CCDC82: variants seen among roughly 807,000 people sequenced by gnomAD.
CCDC82 encodes the protein coiled-coil domain-containing protein 82.
Under a neutral mutation model 60.6 loss-of-function variants are expected in CCDC82, and 47 were observed. The observed-to-expected ratio is 0.77, with a 90% CI of 0.61 to 0.99. The LOEUF (loss-of-function observed/expected upper bound fraction) is 0.99. Ranked by LOEUF, CCDC82 falls within the 50% of genes least tolerant of loss-of-function variation. The pLI, the probability that CCDC82 is intolerant of heterozygous loss-of-function variation, is 0.00. For synonymous variants in CCDC82, 212 were observed against 207.4 expected, an observed-to-expected ratio of 1.02 and a Z score of -0.19; for missense variants, 588 against 633.0, an observed-to-expected ratio of 0.93 and a Z score of 0.76.
At chr11:96,363,422 TA>T (rs1864775988) in intron 8 of CCDC82, 1 of 152,228 alleles carries the variant, frequency 6.6e-6, no homozygotes, top group Non-Finnish European at 1.5e-5. Context: ...AATTTCTCTT[TA>T]AAAAATTTAA....
chr11:96,353,939 A>G (rs1591151052), intron 9 of CCDC82: 1 of 355,426 alleles, frequency 2.8e-6, no homozygotes, highest in East Asian at 4.8e-5. Context: ...AGTGAATATT[A>G]TTAATTTTAT....
At chr11:96,368,296 C>CT (rs1346033178) in intron 7 of CCDC82, among the ~76,000 whole-genome samples, 5 of 151,534 alleles carry the variant, frequency 3.3e-5, no homozygotes, top group African/African-American at 7.3e-5. Context: ...TGAAAAGAAT[C>CT]TTTTTTTTTC....
chr11:96,380,819 G>C (rs1193720112), intron 5 of CCDC82: 1 of 151,138 alleles, frequency 6.6e-6, no homozygotes, highest in Non-Finnish European at 1.5e-5. Context: ...CAGTGATTCA[G>C]AGGAGGGAGG....
Position 96,359,145 on chromosome 11 carries a change from T to C in CCDC82, c.1414A>G (p.Thr472Ala). ...TGTTTCAGTTTATGATAAATTCTGG[T>C]ACGGCTGGCACAAATTCTGCCAACA... ...FTVGRICASR[T>A]RIYHKLKHFK... The change falls in exon 9 of 10, where the codon ACC becomes GCC. Residue 472 changes from threonine to alanine, a missense_variant. Coordinates refer to ENST00000646818, the MANE Select transcript of CCDC82 (RefSeq NM_024725.4). 6.3e-7 allele frequency: 1 copy of C among 1,586,458 alleles called. No individual in the cohort carries two copies. The highest frequency in any genetic ancestry group is 2.3e-5 in the East Asian group (1 of 43,158).
intron 7 of CCDC82, among the ~76,000 whole-genome samples, chr11:96,366,084 T>G (rs1347636612): frequency 6.6e-6 from 1 of 152,248 alleles, no homozygotes; most frequent in Non-Finnish European, 1.5e-5. Flanking sequence ...TCAGACTGAA[T>G]AGATAACTAA....
chr11:96,358,241 T>A, intron 9 of CCDC82: 1 of 1,050,658 alleles, frequency 9.5e-7, no homozygotes, highest in Non-Finnish European at 1.1e-6. Flanking sequence ...TGTTCTCTCT[T>A]ATACATTCAT....
chr11:96,360,735 T>C (rs928358004), intron 8 of CCDC82, among the ~76,000 whole-genome samples: 4 of 152,230 alleles, frequency 2.6e-5, no homozygotes, highest in Non-Finnish European at 5.9e-5. Context: ...AATACACTTG[T>C]TTCCTGAGGC....
In CCDC82 at chr11:96,384,732, T is replaced by C; in HGVS notation, c.16A>G (p.Arg6Gly). The C allele has an allele frequency of 1.3e-6, 2 of 1,596,518 alleles. No homozygotes were observed. The highest frequency in any genetic ancestry group is 1.7e-6 in the Non-Finnish European group (2 of 1,174,144). Reference sequence around the variant, plus strand: ...TTAGAATTTCTCCTTGTTTCATGTCTTCTAACATGTATCATTTTCACTTAA... The same window carrying C: ...TTAGAATTTCTCCTTGTTTCATGTCCTCTAACATGTATCATTTTCACTTAA... The part of the protein sequence containing the change: MIHVR[R>G]HETRRNSKSH... Residue 6 changes from arginine to glycine, a missense_variant, in exon 4 of 10, where the codon AGA (arginine) becomes GGA (glycine). By Grantham distance (125) the Arg-to-Gly change is moderately radical (BLOSUM62 -2). Coordinates refer to ENST00000646818, the MANE Select transcript of CCDC82 (RefSeq NM_024725.4).
rs1327630400 is a variant in CCDC82, at chr11:96,384,738, CAT to C, written c.8_9del (p.His3ArgfsTer2). 4.4e-6 allele frequency: 7 copies of C among 1,590,854 alleles called. No homozygotes were observed. Among genetic ancestry groups the C allele is most frequent in the African/African-American group, 1.4e-5 (1 of 73,434 alleles). ...TTTCTCCTTGTTTCATGTCTTCTAA[CAT>C]GTATCATTTTCACTTAAGCTTCTAT... MI[H>X]VRRHETRRNS... On this transcript the variant is annotated frameshift_variant, in exon 4 of 10. Transcript: ENST00000646818. LOFTEE classifies it high-confidence loss of function.
Position 96,383,993 on chromosome 11 carries a change from C to G in CCDC82, c.755G>C (p.Arg252Pro). Residue 252 changes from arginine (R) to proline (P), a missense_variant, in exon 4 of 10, where the codon CGT becomes CCT. Transcript: ENST00000646818. ...ATCTCTACCACTACTGCGTCTCTGA[C>G]GAGATCTTTGTTTTGAGAGTTCTTT... ...KLKELSKQRS[R>P]QRRSSGRDFE... 1 of 1,613,046 alleles carries G rather than the reference C, an allele frequency of 6.2e-7. No homozygotes were observed. The highest frequency in any genetic ancestry group is 8.5e-7 in the Non-Finnish European group (1 of 1,179,484).
chr11:96,356,452 T>C lies in CCDC82; in HGVS notation c.1566+2541A>G, dbSNP rs115249365. 438 of 985,442 alleles carry C rather than the reference T, an allele frequency of 4.4e-4. 1 individual carries two copies. In the African/African-American group the frequency reaches 7.3e-3, roughly 16 times the overall value. The allele number at this position is 985,442 out of a possible 1,614,324, so 61.0% of individuals were successfully genotyped here. A position where few individuals can be genotyped will look rare whatever the true frequency, so the allele number is the denominator to read the frequency against. ...AGTATGAATGGGCATCTGATACTTC[T>C]ATTGACATGCTTTCTTTACTACCTG... On this transcript the variant is annotated intron_variant, in intron 9 of 9. Coordinates refer to ENST00000646818, the MANE Select transcript of CCDC82 (RefSeq NM_024725.4).
At chr11:96,377,625 GT>G (rs1324953200) in intron 5 of CCDC82, among the ~76,000 whole-genome samples, 2 of 151,900 alleles carry the variant, frequency 1.3e-5, no homozygotes, top group Non-Finnish European at 2.9e-5. Context: ...TGTTACCAAT[GT>G]TTCTCCTAGA....
intron 2 of CCDC82, 185 bp from the exon 3 acceptor site, chr11:96,386,478 T>C (rs918941805): frequency 6.6e-6 from 1 of 152,146 alleles, no homozygotes; most frequent in African/African-American, 2.4e-5. Flanking sequence ...TTTTAAGAGA[T>C]AGGTCTTGTC....
Sources: gnomAD v4.1 joint callset for allele counts (sites outside exome capture counted in the v4.1 genomes callset) on GRCh38, gnomAD v4.1.1 for gene constraint, MANE v1.5 for transcripts, NCBI Gene and HGNC (gene_info 2026-07-23, HGNC 2026-07-21) for gene names.